The following DOCK7 variants were observed in gnomAD, a reference collection of about 807,000 sequenced individuals.
DOCK7 encodes dedicator of cytokinesis 7.
In DOCK7, 138 loss-of-function variants were observed where a neutral mutation model predicts 271.0. The observed-to-expected ratio is 0.51, with a 90% CI of 0.44 to 0.59. The LOEUF (loss-of-function observed/expected upper bound fraction) is 0.59. Among genes scored for constraint, DOCK7 ranks in the 20% least tolerant of loss-of-function variants. DOCK7 has a pLI of 0.00. For missense variants in DOCK7, 2,066 were observed against 2,592.4 expected, an observed-to-expected ratio of 0.80 and a Z score of 4.41; for synonymous variants, 823 against 876.1, an observed-to-expected ratio of 0.94 and a Z score of 1.07.
chr1:62,498,678 G>C lies in DOCK7; in HGVS notation c.4765-2181C>G, dbSNP rs144638242. Among the ~76,000 whole-genome samples, 81 of 150,328 alleles carry C rather than the reference G, an allele frequency of 5.4e-4. 1 individual carries two copies. In the East Asian group the frequency reaches 0.016, roughly 29 times the overall value. ...AAAAACTGTCCTTTTATCTATGTCT[G>C]CCCAATGCCTACCAAAGCAGCCAAG... On this transcript the variant is annotated intron_variant, in intron 37 of 49. Transcript: ENST00000635253.
At chr1:62,503,822 C>A (rs936809880) in intron 37 of DOCK7, among the ~76,000 whole-genome samples, 1 of 151,932 alleles carries the variant, frequency 6.6e-6, no homozygotes, top group African/African-American at 2.4e-5. Context: ...CCGAGGCAGG[C>A]GGATCACGAG....
intron 13 of DOCK7, 49 bp downstream of exon 13, chr1:62,619,851 G>T (rs2149588603): frequency 8.4e-7 from 1 of 1,190,288 alleles, no homozygotes; most frequent in Non-Finnish European, 1.2e-6. Flanking sequence ...ATACAACATA[G>T]TAGTGATAAT....
chr1:62,487,730 G>T, intron 42 of DOCK7: 1 of 221,466 alleles, frequency 4.5e-6, no homozygotes, highest in Non-Finnish European at 8.9e-6. Context: ...AAGTATCCAG[G>T]ATAAATTAAA....
At chr1:62,580,099 C>A (rs1300969415) in intron 16 of DOCK7, among the ~76,000 whole-genome samples, 1 of 152,168 alleles carries the variant, frequency 6.6e-6, no homozygotes, top group Non-Finnish European at 1.5e-5. Flanking sequence ...TGCAACCAAA[C>A]CATATTGCTC....
chr1:62,644,938 TGAGA>T (rs1268516275), intron 7 of DOCK7, among the ~76,000 whole-genome samples: 1 of 152,166 alleles, frequency 6.6e-6, no homozygotes, highest in East Asian at 1.9e-4. Context: ...TTTATTTCTC[TGAGA>T]GAAATAAACT....
rs561236878 is a variant in DOCK7, at chr1:62,468,347, C to T, written c.6212+5635G>A. ...TTGCACTCCGGCCTGGGCAACAGAG[C>T]GAGACTCTGTCTCAAAAAAAAAAAA... is the stretch of plus-strand genomic sequence containing the variant. On this transcript the variant is annotated intron_variant, in intron 48 of 49. Coordinates refer to ENST00000635253, the MANE Select transcript of DOCK7 (RefSeq NM_001367561.1). Among the ~76,000 whole-genome samples the T allele has an allele frequency of 6.8e-5, 8 of 118,040 alleles. No individual in the cohort carries two copies. In the South Asian group the frequency reaches 1.2e-3, roughly 17 times the overall value. The allele number at this position is 118,040 out of a possible 152,430, so 77.4% of individuals were successfully genotyped here.
At chr1:62,653,587 C>T in intron 4 of DOCK7, 138 bp downstream of exon 4, 1 of 617,272 alleles carries the variant, frequency 1.6e-6, no homozygotes, top group Non-Finnish European at 2.9e-6. Flanking sequence ...AATATCTATA[C>T]ACAAAAGTTC....
intron 18 of DOCK7, among the ~76,000 whole-genome samples, chr1:62,565,363 C>T (rs1249497601): frequency 6.6e-6 from 1 of 152,114 alleles, no homozygotes; most frequent in African/African-American, 2.4e-5. Flanking sequence ...TTATCCACCA[C>T]GATCAAGTCA....
At chr1:62,605,832 G>GATCCCTAA (rs773897640) in intron 14 of DOCK7, 1 of 151,918 alleles carries the variant, frequency 6.6e-6, no homozygotes, top group Non-Finnish European at 1.5e-5. Flanking sequence ...CATCACAACA[G>GATCCCTAA]ATCCCTAAAT....
chr1:62,526,675 T>C (rs377153807), intron 31 of DOCK7, among the ~76,000 whole-genome samples: 111 of 152,294 alleles, frequency 7.3e-4, no homozygotes, highest in African/African-American at 2.5e-3. Flanking sequence ...ATGATACAGC[T>C]GTTCATCAAC....
intron 14 of DOCK7, among the ~76,000 whole-genome samples, chr1:62,591,284 T>C (rs947578535): frequency 2.0e-5 from 3 of 152,022 alleles, no homozygotes; most frequent in Non-Finnish European, 4.4e-5. Flanking sequence ...CACTTAGAAG[T>C]TGTAGCTAAA....
At position 62,455,471 on chromosome 1, in the gene DOCK7, A is replaced by T. The variant is rs759049704; in HGVS notation, c.6381-15T>A. ...TGAAGGAATCTCTGGGAAAAAAATG[A>T]GAGGACATAGTTAGTTAAAGAGAAC... On this transcript the variant is annotated splice_polypyrimidine_tract_variant and intron_variant, in intron 49 of 49. Coordinates refer to ENST00000635253, the MANE Select transcript of DOCK7 (RefSeq NM_001367561.1). The T allele has an allele frequency of 6.2e-7, 1 of 1,612,930 alleles. No homozygotes were observed. Among genetic ancestry groups the T allele is most frequent in the Non-Finnish European group, 8.5e-7 (1 of 1,179,236 alleles).
intron 48 of DOCK7, among the ~76,000 whole-genome samples, chr1:62,459,936 G>GA (rs1398029094): frequency 1.3e-5 from 2 of 151,522 alleles, no homozygotes; most frequent in Admixed American, 6.6e-5. Flanking sequence ...TCTCTACTAA[G>GA]AAAAAATACA....
chr1:62,588,565 T>C (rs1647913182), intron 14 of DOCK7, among the ~76,000 whole-genome samples: 1 of 152,176 alleles, frequency 6.6e-6, no homozygotes, highest in Non-Finnish European at 1.5e-5. Flanking sequence ...CTGTGGTTTT[T>C]GTAAATTGAG....
At chr1:62,468,299 T>G (rs1182239308) in intron 48 of DOCK7, among the ~76,000 whole-genome samples, 1 of 142,560 alleles carries the variant, frequency 7.0e-6, no homozygotes, top group Non-Finnish European at 1.5e-5. Context: ...AGGCAGAGGT[T>G]GCAGTGAGCC....
At chr1:62,490,520 T>C (rs913428773) in intron 41 of DOCK7, among the ~76,000 whole-genome samples, 3 of 152,170 alleles carry the variant, frequency 2.0e-5, no homozygotes, top group African/African-American at 7.2e-5. Flanking sequence ...GAAAAACATA[T>C]GGTCCTTGAA....
intron 15 of DOCK7, 147 bp from the exon 16 acceptor site, chr1:62,583,401 T>C (rs563758834): frequency 3.8e-5 from 22 of 586,184 alleles, no homozygotes; most frequent in African/African-American, 3.3e-4. Context: ...CTGACGTTCA[T>C]CAAAAAGTTC....
At position 62,513,746 on chromosome 1, in the gene DOCK7, A is replaced by G. The variant is rs750859758; in HGVS notation, c.4089T>C (p.Leu1363=). ...VLQLNRLLDL[L]YLCVSCFEYK... ...ACTCAAAGCAAGACACACAGAGATA[A>G]AGCAGATCTAATAGCCGGTTTAGCT... The change falls in exon 32 of 50, where the codon CTT becomes CTC. Residue 1363 remains leucine, a synonymous_variant. Transcript: ENST00000635253. 8 of 1,614,048 alleles carry G rather than the reference A, an allele frequency of 5.0e-6. No homozygotes were observed. The highest frequency in any genetic ancestry group is 6.8e-6 in the Non-Finnish European group (8 of 1,180,022).
chr1:62,461,663 C>G (rs1645530926), intron 48 of DOCK7, among the ~76,000 whole-genome samples: 1 of 99,614 alleles, frequency 1.0e-5, no homozygotes, highest in African/African-American at 3.3e-5. Context: ...ACAGTGAGAC[C>G]CCATCTCAAA....
Sources: gnomAD v4.1 joint callset for allele counts (sites outside exome capture counted in the v4.1 genomes callset) on GRCh38, gnomAD v4.1.1 for gene constraint, MANE v1.5 for transcripts, NCBI Gene and HGNC (gene_info 2026-07-23, HGNC 2026-07-21) for gene names.